Variants in UTRN observed in about 807,000 individuals in gnomAD.
The protein encoded by UTRN is dystrophin-related protein 1.
Under a neutral mutation model 463.9 loss-of-function variants are expected in UTRN, and 283 were observed. That is an observed-to-expected ratio of 0.61 (90% CI 0.55 to 0.67). UTRN has a LOEUF of 0.67. Among genes scored for constraint, UTRN ranks in the 30% least tolerant of loss-of-function variants. UTRN has a pLI of 0.00. For synonymous variants in UTRN, 1,442 were observed against 1,431.5 expected (o/e 1.01, Z -0.17); for missense variants, 3,922 against 4,084.3 (o/e 0.96, Z 1.08).
At chr6:144,629,911 C>T (rs573370763) in intron 51 of UTRN, among the ~76,000 whole-genome samples, 1 of 152,128 alleles carries the variant, frequency 6.6e-6, no homozygotes. Context: ...TCTGGCCGGG[C>T]GTAGTGGCTC....
intron 2 of UTRN, chr6:144,398,226 A>G: frequency 3.8e-6 from 1 of 263,696 alleles, no homozygotes; most frequent in South Asian, 4.7e-5. Flanking sequence ...ACTGTGCTGT[A>G]GGTTTTTCCA....
chr6:144,497,416 C>T (rs1242082111), intron 33 of UTRN, among the ~76,000 whole-genome samples: 1 of 151,146 alleles, frequency 6.6e-6, no homozygotes, highest in Non-Finnish European at 1.5e-5. Flanking sequence ...TCGCTTATGC[C>T]TGTAATCTTT....
At chr6:144,352,400 C>T (rs999763743) in intron 2 of UTRN, among the ~76,000 whole-genome samples, 6 of 152,096 alleles carry the variant, frequency 3.9e-5, no homozygotes, top group Non-Finnish European at 8.8e-5. Context: ...TTATTAAATT[C>T]TCACTTTGCT....
At chr6:144,454,501 A>G (rs909801473) in intron 19 of UTRN, among the ~76,000 whole-genome samples, 4 of 152,090 alleles carry the variant, frequency 2.6e-5, no homozygotes, top group Admixed American at 1.3e-4. Context: ...CTTGCACTCC[A>G]TGTACGTTGG....
chr6:144,558,656 A>T (rs1419351035), intron 50 of UTRN, among the ~76,000 whole-genome samples: 1 of 152,016 alleles, frequency 6.6e-6, no homozygotes, highest in Non-Finnish European at 1.5e-5. Flanking sequence ...AAAAGAAAAG[A>T]CCTACAATCA....
intron 50 of UTRN, among the ~76,000 whole-genome samples, chr6:144,576,854 A>C (rs149236030): frequency 1.3e-5 from 2 of 152,264 alleles, no homozygotes; most frequent in Admixed American, 1.3e-4. Context: ...TAATTATTTT[A>C]TGATATGGAT....
At chr6:144,588,178 G>T (rs1802660382) in intron 51 of UTRN, among the ~76,000 whole-genome samples, 1 of 152,110 alleles carries the variant, frequency 6.6e-6, no homozygotes, top group African/African-American at 2.4e-5. Flanking sequence ...ACCCCTGCCT[G>T]CCACTATCAG....
At chr6:144,611,782 A>T (rs1391805793) in intron 51 of UTRN, among the ~76,000 whole-genome samples, 1 of 152,196 alleles carries the variant, frequency 6.6e-6, no homozygotes, top group Non-Finnish European at 1.5e-5. Context: ...CATACTACCC[A>T]ATGTAATTTA....
chr6:144,520,034 A>G (rs186151939), intron 39 of UTRN, among the ~76,000 whole-genome samples: 1 of 152,366 alleles, frequency 6.6e-6, no homozygotes, highest in Admixed American at 6.5e-5. Context: ...ATGTCCCTAC[A>G]AGCATAATAA....
chr6:144,516,943 A>G lies in UTRN; in HGVS notation c.5536A>G (p.Ile1846Val), dbSNP rs886258649. The change falls in exon 39 of 75, where the codon ATT (isoleucine) becomes GTT (valine). Residue 1846 changes from isoleucine (I) to valine (V), a missense_variant. Physicochemically the swap from Ile to Val is conservative, Grantham distance 29 (BLOSUM62 3). This residue lies in a region of UTRN where 2,349 missense variants were observed against 2,303.8 expected (regional missense o/e 1.02). Coordinates refer to ENST00000367545, the MANE Select transcript of UTRN (RefSeq NM_007124.3). ...LLLLHTRYNK[I>V]KAIPIQQRKM... ...ACTTTTGCATACTAGATACAACAAA[A>G]TTAAGGTATTATGATTGGAGAGTCT... The G allele has an allele frequency of 2.0e-6, 3 of 1,479,524 alleles. No individual in the cohort carries two copies. Among genetic ancestry groups the G allele is most frequent in the Non-Finnish European group, 1.8e-6 (2 of 1,120,496 alleles). The allele number at this position is 1,479,524 out of a possible 1,614,324, so 91.6% of individuals were successfully genotyped here.
chr6:144,713,622 A>AAAT (rs1786006633), intron 53 of UTRN, among the ~76,000 whole-genome samples: 5 of 145,950 alleles, frequency 3.4e-5, no homozygotes, highest in East Asian at 2.1e-4. Flanking sequence ...CTCAAAAAAA[A>AAAT]AAATAAATAA....
At chr6:144,423,410 C>A in intron 4 of UTRN, 139 bp from the exon 5 acceptor site, 2 of 756,698 alleles carry the variant, frequency 2.6e-6, no homozygotes, top group Non-Finnish European at 4.4e-6. Context: ...AGGGTGGTAA[C>A]CTGAGACCTC....
In UTRN at chr6:144,730,478, C is replaced by G. The variant is rs1203182923; in HGVS notation, c.7931C>G (p.Ser2644Ter). 6.2e-7 allele frequency: 1 copy of G among 1,606,306 alleles called. No homozygotes were observed. Among genetic ancestry groups the G allele is most frequent in the Non-Finnish European group, 8.5e-7 (1 of 1,176,076 alleles). ...APEEPRRNLQ[S>*]KTELTPEERA... ...GAAGAGCCAAGAAGAAACCTACAAT[C>G]AAAAACAGGTGAGACTGGTTTCTCC... The change falls in exon 54 of 75, where the codon TCA becomes TGA. Residue 2644 changes from serine to a stop codon, truncating the protein, a stop_gained. Coordinates refer to ENST00000367545, the MANE Select transcript of UTRN (RefSeq NM_007124.3). LOFTEE classifies it high-confidence loss of function.
chr6:144,805,578 G>A (rs1778079032), intron 65 of UTRN, among the ~76,000 whole-genome samples: 1 of 152,168 alleles, frequency 6.6e-6, no homozygotes, highest in African/African-American at 2.4e-5. Context: ...CCCAAGGGGC[G>A]CATGGAAAGG....
intron 53 of UTRN, among the ~76,000 whole-genome samples, chr6:144,701,407 G>A (rs1184452080): frequency 6.7e-6 from 1 of 150,032 alleles, no homozygotes; most frequent in East Asian, 1.9e-4. Flanking sequence ...CCTTTTCTTT[G>A]ATTACATTTT....
At chr6:144,568,101 T>C (rs983352898) in intron 50 of UTRN, among the ~76,000 whole-genome samples, 2 of 152,190 alleles carry the variant, frequency 1.3e-5, no homozygotes, top group Admixed American at 1.3e-4. Flanking sequence ...AAAAAAATCC[T>C]ACTTCCCTTT....
intron 3 of UTRN, among the ~76,000 whole-genome samples, chr6:144,413,499 A>G (rs1254001469): frequency 1.3e-5 from 2 of 152,200 alleles, no homozygotes; most frequent in Non-Finnish European, 2.9e-5. Flanking sequence ...ATAAGATCTC[A>G]TGAGACTTGT....
intron 23 of UTRN, among the ~76,000 whole-genome samples, chr6:144,469,947 A>G (rs1382070136): frequency 6.6e-6 from 1 of 152,160 alleles, no homozygotes; most frequent in Non-Finnish European, 1.5e-5. Flanking sequence ...AACAAAGCAC[A>G]TCTTGCACCG....
rs768992047 is a variant in UTRN at position 144,757,970 on chromosome 6, A to G, written c.8476A>G (p.Lys2826Glu). The stretch of plus-strand genomic sequence containing the variant: ...GTGGCAAAGATCCATTTCACATAAT[A>G]AAGTGCCCTATTACATCAAGTAAGT... ...LPWQRSISHNKVPYYINHQTQ... is the reference protein window; with the variant it reads ...LPWQRSISHNEVPYYINHQTQ... The change falls in exon 58 of 75, where the codon AAA (lysine) becomes GAA (glutamate). Residue 2826 changes from lysine (K) to glutamate (E), a missense_variant. Physicochemically the swap from Lys to Glu is moderately conservative, Grantham distance 56. Transcript: ENST00000367545. The G allele has an allele frequency of 1.9e-6, 3 of 1,611,276 alleles. No individual in the cohort carries two copies. Among genetic ancestry groups the G allele is most frequent in the Non-Finnish European group, 2.5e-6 (3 of 1,178,362 alleles).
Sources: gnomAD v4.1 joint callset for allele counts (sites outside exome capture counted in the v4.1 genomes callset) on GRCh38, gnomAD v4.1.1 for gene constraint, gnomAD v4.1.1 regional missense constraint, MANE v1.5 for transcripts, NCBI Gene and HGNC (gene_info 2026-07-23, HGNC 2026-07-21) for gene names.